FCAMR: variants seen among roughly 807,000 people sequenced by gnomAD.
The protein encoded by FCAMR is Fc alpha and mu receptor, also known as high affinity immunoglobulin alpha and immunoglobulin mu Fc receptor.
Under a neutral mutation model 52.2 loss-of-function variants are expected in FCAMR, and 51 were observed. The observed-to-expected ratio is 0.98, with a 90% CI of 0.78 to 1.23. The LOEUF (loss-of-function observed/expected upper bound fraction) is 1.23. FCAMR is among the 50% of genes most tolerant of loss of function. FCAMR has a pLI of 0.00. For missense variants in FCAMR, 719 were observed against 712.6 expected (o/e 1.01, Z -0.10); for synonymous variants, 282 against 262.0 (o/e 1.08, Z -0.74).
At position 206,960,524 on chromosome 1, in the gene FCAMR, T is replaced by C; in HGVS notation, c.1352A>G (p.Asp451Gly). 1 of 1,551,572 alleles carries C rather than the reference T, an allele frequency of 6.4e-7. No individual in the cohort carries two copies. The highest frequency in any genetic ancestry group is 8.7e-7 in the Non-Finnish European group (1 of 1,146,964). ...TCTGTCTCCAGTGGCAGCATCTAGG[T>C]CCCCTGCAGCGCTTCCTTCCCCAGA... ...AASGEGSAAGDLDAATGDRGP... is the reference protein window; with the variant it reads ...AASGEGSAAGGLDAATGDRGP... Residue 451 changes from aspartate to glycine, a missense_variant, in exon 6 of 8, where the codon GAC (aspartate) becomes GGC (glycine). Transcript: ENST00000324852.
intron 4 of FCAMR, among the ~76,000 whole-genome samples, chr1:206,963,140 CG>C (rs1224088215): frequency 2.0e-5 from 3 of 152,252 alleles, no homozygotes; most frequent in Admixed American, 2.0e-4. Flanking sequence ...CTGCAAAAGA[CG>C]GGGAGTCCTG....
chr1:206,969,130 G>A, intron 1 of FCAMR: 1 of 319,502 alleles, frequency 3.1e-6, no homozygotes, highest in Non-Finnish European at 6.3e-6. Context: ...AGTCCTGGCT[G>A]ATTCTGGGGC....
At chr1:206,958,734 T>C (rs1286500481) in intron 7 of FCAMR, 58 bp from the exon 8 acceptor site, 25 of 1,610,040 alleles carry the variant, frequency 1.6e-5, no homozygotes, top group Non-Finnish European at 2.0e-5. Flanking sequence ...CTGACTTTGA[T>C]TTCCTAAGAA....
rs1156431950 is a variant in FCAMR, at chr1:206,960,762, C to A, written c.1114G>T (p.Val372Phe). The A allele has an allele frequency of 5.2e-6, 8 of 1,552,204 alleles. No homozygotes were observed. The Admixed American group carries it at 1.2e-4, about 23-fold the overall frequency. The change falls in exon 6 of 8, where the codon GTC (valine) becomes TTC (phenylalanine). Residue 372 changes from valine (V) to phenylalanine (F), a missense_variant. By Grantham distance (50) the Val-to-Phe change is conservative. Coordinates refer to ENST00000324852, the MANE Select transcript of FCAMR (RefSeq NM_001170631.2). ...GCTGGTGGCCCAATGGTTCCTAGGA[C>A]CTTTTTGGCTGCATCAAGAGCTATC... ...VRIALDAAKKVLGTIGPPALV... is the reference protein window; with the variant it reads ...VRIALDAAKKFLGTIGPPALV...
chr1:206,965,582 G>A, intron 4 of FCAMR, 133 bp downstream of exon 4: 2 of 1,121,496 alleles, frequency 1.8e-6, no homozygotes, highest in Non-Finnish European at 2.4e-6. Flanking sequence ...TTGTTACTCA[G>A]CAATTGTCTA....
At chr1:206,960,002 C>T (rs60606216) in intron 6 of FCAMR, 1 of 566,546 alleles carries the variant, frequency 1.8e-6, no homozygotes, top group South Asian at 2.1e-5. Flanking sequence ...CCTTTTCCCT[C>T]TTCCACCCAT....
At position 206,960,571 on chromosome 1, in the gene FCAMR, C is replaced by A. The variant is rs1211269115; in HGVS notation, c.1305G>T (p.Val435=). Reference sequence around the variant, plus strand: ...CAGATGCTGCCTCCATGCTGGTCCACACATCTGCAGCTGGAGTTCCCAAGA... The same window carrying A: ...CAGATGCTGCCTCCATGCTGGTCCAAACATCTGCAGCTGGAGTTCCCAAGA... ...VWILGTPAAD[V]WTSMEAASGE... Residue 435 remains valine (V), a synonymous_variant, in exon 6 of 8, where the codon GTG becomes GTT. Transcript: ENST00000324852. The A allele has an allele frequency of 1.3e-6, 2 of 1,550,256 alleles. No individual in the cohort carries two copies. Among genetic ancestry groups the A allele is most frequent in the Non-Finnish European group, 1.7e-6 (2 of 1,146,488 alleles).
In FCAMR at chr1:206,962,266, A is replaced by G. The variant is rs1232539126; in HGVS notation, c.599T>C (p.Ile200Thr). ...GAACAGCATGTTGTTTTCACTTCCA[A>G]TGCCGCAGAGGTAGCATCCGATGTC... The part of the protein sequence containing the change: ...PDDIGCYLCG[I>T]GSENNMLFLS... The change falls in exon 5 of 8, where the codon ATT becomes ACT. Residue 200 changes from isoleucine (I) to threonine (T), a missense_variant. Transcript: ENST00000324852. 3.7e-6 allele frequency: 6 copies of G among 1,614,008 alleles called. No homozygotes were observed. Among genetic ancestry groups the G allele is most frequent in the Non-Finnish European group, 4.2e-6 (5 of 1,180,024 alleles).
chr1:206,966,606 G>A (rs751990153), intron 3 of FCAMR, among the ~76,000 whole-genome samples: 2 of 152,112 alleles, frequency 1.3e-5, no homozygotes, highest in Non-Finnish European at 2.9e-5. Context: ...GGCTGGTGTC[G>A]AACTCCTGAC....
chr1:206,966,002 C>T, intron 3 of FCAMR, 144 bp from the exon 4 acceptor site: 15 of 1,066,466 alleles, frequency 1.4e-5, no homozygotes, highest in South Asian at 4.4e-5. Context: ...AGCTGCCTGC[C>T]CTCCTGCAGC....
intron 6 of FCAMR, 105 bp downstream of exon 6, chr1:206,960,316 TG>T: frequency 8.4e-7 from 1 of 1,191,110 alleles, no homozygotes; most frequent in African/African-American, 1.5e-5. Flanking sequence ...CACTGTCTTG[TG>T]GGTACAAAGG....
At chr1:206,965,158 C>G (rs1391690317) in intron 4 of FCAMR, among the ~76,000 whole-genome samples, 1 of 152,192 alleles carries the variant, frequency 6.6e-6, no homozygotes, top group Admixed American at 6.5e-5. Flanking sequence ...AGGACCATTT[C>G]AGGACAATAG....
Position 206,958,372 on chromosome 1 carries a change from C to G in FCAMR, c.*144G>C. On this transcript the variant is annotated 3_prime_UTR_variant, in exon 8 of 8. Coordinates refer to ENST00000324852, the MANE Select transcript of FCAMR (RefSeq NM_001170631.2). ...CTTTCTTGGGCCCAAGGACAGCCAG[C>G]CTTTCTTCCATGGGTGGAGCACCGG... The G allele has an allele frequency of 2.2e-6, 2 of 928,908 alleles. No homozygotes were observed. The highest frequency in any genetic ancestry group is 2.7e-5 in the East Asian group (1 of 37,518). The allele number at this position is 928,908 out of a possible 1,614,324, so 57.5% of individuals were successfully genotyped here.
chr1:206,967,643 C>G lies in FCAMR; in HGVS notation c.48G>C (p.Val16=), dbSNP rs1306221395. The change falls in exon 2 of 8, where the codon GTG becomes GTC. Residue 16 remains valine (V), a synonymous_variant. Transcript: ENST00000324852. ...TVKPGEQKEV[V]RRGREVDYSR... is the part of the protein sequence containing the mutation. ...AGTAGTCCACTTCTCTTCCTCTCCTCACCACTTCCTGTTTGCAGAAGGGGA... is the reference window on the plus strand; with the variant it reads ...AGTAGTCCACTTCTCTTCCTCTCCTGACCACTTCCTGTTTGCAGAAGGGGA... 6.2e-7 allele frequency: 1 copy of G among 1,614,162 alleles called. No homozygotes were observed. Among genetic ancestry groups the G allele is most frequent in the Admixed American group, 1.7e-5 (1 of 60,028 alleles).
intron 5 of FCAMR, among the ~76,000 whole-genome samples, chr1:206,961,641 G>A (rs1680511502): frequency 6.6e-6 from 1 of 152,272 alleles, no homozygotes; most frequent in Non-Finnish European, 1.5e-5. Flanking sequence ...CCTGCTTTCA[G>A]GCTGCCTCCT....
Position 206,958,616 on chromosome 1 carries a change from TG to T in FCAMR, c.1633del (p.Gln545LysfsTer24), listed in dbSNP as rs1290598871. On this transcript the variant is annotated frameshift_variant, in exon 8 of 8. Coordinates refer to ENST00000324852, the MANE Select transcript of FCAMR (RefSeq NM_001170631.2). LOFTEE classifies it low-confidence loss of function (END_TRUNC). ...QMTHFLEVNP[Q>X]ADQLPHVERK... ...TTCCACATGGGGCAGCTGGTCTGCT[TG>T]GGGGTTCACTTCCAGAAAATGTGTC... The T allele has an allele frequency of 6.2e-7, 1 of 1,613,964 alleles. No individual in the cohort carries two copies. The highest frequency in any genetic ancestry group is 8.5e-7 in the Non-Finnish European group (1 of 1,180,010).
intron 4 of FCAMR, among the ~76,000 whole-genome samples, chr1:206,963,834 T>G (rs913777358): frequency 6.6e-6 from 1 of 152,214 alleles, no homozygotes; most frequent in Non-Finnish European, 1.5e-5. Flanking sequence ...ATTTTTAGCA[T>G]ATATGGCTGT....
intron 4 of FCAMR, among the ~76,000 whole-genome samples, chr1:206,964,704 C>T (rs1432029425): frequency 1.3e-5 from 2 of 151,910 alleles, no homozygotes; most frequent in African/African-American, 2.4e-5. Context: ...CCTGCAGAAC[C>T]GTGAGCAAAA....
intron 1 of FCAMR, among the ~76,000 whole-genome samples, chr1:206,968,037 G>A (rs1440028965): frequency 3.9e-5 from 6 of 152,228 alleles, no homozygotes; most frequent in Non-Finnish European, 7.3e-5. Flanking sequence ...ACCGCTTGCT[G>A]ATGAAAAAGA....
Sources: gnomAD v4.1 joint callset for allele counts (sites outside exome capture counted in the v4.1 genomes callset) on GRCh38, gnomAD v4.1.1 for gene constraint, MANE v1.5 for transcripts, NCBI Gene and HGNC (gene_info 2026-07-23, HGNC 2026-07-21) for gene names.